Variants in THRAP3 observed in about 807,000 individuals in gnomAD.
THRAP3 encodes thyroid hormone receptor-associated protein 3.
A neutral mutation model predicts 101.0 loss-of-function variants in THRAP3; 16 were observed. The observed-to-expected ratio is 0.16, with a 90% CI of 0.11 to 0.24. The LOEUF is 0.24. Among genes scored for constraint, THRAP3 ranks in the 10% least tolerant of loss-of-function variants. THRAP3 has a pLI of 1.00. For missense variants in THRAP3, 989 were observed against 1,202.7 expected (o/e 0.82, Z 2.63); for synonymous variants, 407 against 422.6 (o/e 0.96, Z 0.45).
intron 2 of THRAP3, among the ~76,000 whole-genome samples, chr1:36,260,499 C>T (rs998060957): frequency 2.6e-5 from 4 of 152,044 alleles, no homozygotes; most frequent in African/African-American, 9.7e-5. Context: ...TTTTGGTAGG[C>T]TTACCTGACC....
At chr1:36,275,337 C>G (rs1202104576) in intron 2 of THRAP3, among the ~76,000 whole-genome samples, 1 of 141,666 alleles carries the variant, frequency 7.1e-6, no homozygotes, top group African/African-American at 2.6e-5. Context: ...CCTGTAATCC[C>G]AGCACTTTGG....
intron 1 of THRAP3, among the ~76,000 whole-genome samples, chr1:36,236,412 G>T (rs1645088996): frequency 6.6e-6 from 1 of 152,076 alleles, no homozygotes; most frequent in Admixed American, 6.6e-5. Flanking sequence ...CTAGTAGAGA[G>T]ACAGTGCTGG....
intron 2 of THRAP3, among the ~76,000 whole-genome samples, chr1:36,271,379 T>C (rs1460458654): frequency 6.6e-6 from 1 of 151,902 alleles, no homozygotes; most frequent in Admixed American, 6.6e-5. Context: ...GCCTCCCGGG[T>C]TCAAGCGATT....
intron 2 of THRAP3, among the ~76,000 whole-genome samples, chr1:36,272,340 C>A (rs1645602681): frequency 6.6e-6 from 1 of 152,150 alleles, no homozygotes; most frequent in South Asian, 2.1e-4. Context: ...ATTTACCTTA[C>A]TTAATAACTT....
chr1:36,260,520 C>T (rs1408651855), intron 2 of THRAP3, among the ~76,000 whole-genome samples: 1 of 152,106 alleles, frequency 6.6e-6, no homozygotes, highest in African/African-American at 2.4e-5. Flanking sequence ...ACCTCACATG[C>T]CAACATTAAT....
At chr1:36,226,256 T>TTTA (rs1022878411) in intron 1 of THRAP3, among the ~76,000 whole-genome samples, 1 of 151,908 alleles carries the variant, frequency 6.6e-6, no homozygotes, top group South Asian at 2.1e-4. Flanking sequence ...AGACATACGA[T>TTTA]TTATTATTAT....
At chr1:36,243,785 C>T (rs1177367336) in intron 1 of THRAP3, among the ~76,000 whole-genome samples, 26 of 96,928 alleles carry the variant, frequency 2.7e-4, no homozygotes, top group South Asian at 1.2e-3. Context: ...CGGGCAGAGG[C>T]GCCCCTCACC....
intron 1 of THRAP3, among the ~76,000 whole-genome samples, chr1:36,242,974 AATC>A (rs1469993992): frequency 1.3e-5 from 2 of 151,920 alleles, no homozygotes; most frequent in African/African-American, 4.8e-5. Flanking sequence ...TTGCACATGT[AATC>A]CCACCACTTT....
Position 36,232,233 on chromosome 1 carries a change from T to A in THRAP3, c.-135+7728T>A, listed in dbSNP as rs180964486. Among the ~76,000 whole-genome samples the A allele has an allele frequency of 1.8e-4, 27 of 152,188 alleles. No homozygotes were observed. The East Asian group carries it at 4.8e-3, about 27-fold the overall frequency. Reference sequence around the variant, plus strand: ...CTATCTCGAAAAGAAAAAAGTTAAATTTTTAAATATAAGAAATTCTTGTTT... The same window carrying A: ...CTATCTCGAAAAGAAAAAAGTTAAAATTTTAAATATAAGAAATTCTTGTTT... On this transcript the variant is annotated intron_variant, in intron 1 of 11. Transcript: ENST00000354618.
At chr1:36,283,230 G>T (rs923953201) in intron 3 of THRAP3, among the ~76,000 whole-genome samples, 3 of 152,090 alleles carry the variant, frequency 2.0e-5, no homozygotes, top group African/African-American at 7.2e-5. Flanking sequence ...TTTAAAAATC[G>T]CTATTGAAAA....
intron 1 of THRAP3, among the ~76,000 whole-genome samples, chr1:36,256,965 T>A (rs1645383898): frequency 6.6e-6 from 1 of 152,088 alleles, no homozygotes; most frequent in Middle Eastern, 3.2e-3. Context: ...CAGGCTAATT[T>A]TTTGTGTTTT....
rs369137110 is a variant in THRAP3, at chr1:36,243,997, C to T, written c.-134-15385C>T. Reference sequence around the variant, plus strand: ...CTGAACCCCCCACCTCCCTCCCGGACGGGGCGGCTGGCCGGGCGGGGGGCT... The same window carrying T: ...CTGAACCCCCCACCTCCCTCCCGGATGGGGCGGCTGGCCGGGCGGGGGGCT... On this transcript the variant is annotated intron_variant, in intron 1 of 11. Coordinates refer to ENST00000354618, the MANE Select transcript of THRAP3 (RefSeq NM_005119.4). 8.1e-3 allele frequency among the ~76,000 whole-genome samples: 1,127 copies of T among 139,240 alleles called. 18 individuals are homozygous for T. Among genetic ancestry groups the T allele is most frequent in the African/African-American group, 0.027 (986 of 36,454 alleles). 91.3% of individuals were successfully genotyped at this position (139,240 alleles called of 152,430 possible). A position where few individuals can be genotyped will look rare whatever the true frequency, so the allele number is the denominator to read the frequency against.
At chr1:36,217,024 G>A in the THRAP3 span, among the ~76,000 whole-genome samples, 1 of 152,152 alleles carries the variant, frequency 6.6e-6, no homozygotes, top group Non-Finnish European at 1.5e-5. Context: ...GACCACATCT[G>A]TTTTGTTTAC....
At chr1:36,285,869 T>C (rs1645789272) in intron 3 of THRAP3, among the ~76,000 whole-genome samples, 1 of 152,180 alleles carries the variant, frequency 6.6e-6, no homozygotes, top group Admixed American at 6.5e-5. Flanking sequence ...AAGAAGTTCA[T>C]CCCGCACAAG....
At chr1:36,259,774 A>AG (rs1645421260) in intron 2 of THRAP3, among the ~76,000 whole-genome samples, 1 of 151,426 alleles carries the variant, frequency 6.6e-6, no homozygotes, top group Admixed American at 6.6e-5. Context: ...AAAAAAAAAA[A>AG]AAAGAAAAGA....
At position 36,287,294 on chromosome 1, in the gene THRAP3, T is replaced by G. The variant is rs529988716; in HGVS notation, c.1040+24T>G. The G allele has an allele frequency of 6.9e-5, 107 of 1,560,926 alleles. 2 individuals are homozygous for G. In the East Asian group the frequency reaches 2.4e-3, roughly 35 times the overall value. ...AGGCAAGTATCTCATTTCCCCTGCC[T>G]GGTTGTGTTTTTATCTCACTAGCTG... On this transcript the variant is annotated intron_variant, in intron 4 of 11. Coordinates refer to ENST00000354618, the MANE Select transcript of THRAP3 (RefSeq NM_005119.4).
At chr1:36,243,726 C>T (rs879201792) in intron 1 of THRAP3, among the ~76,000 whole-genome samples, 10 of 152,250 alleles carry the variant, frequency 6.6e-5, no homozygotes, top group African/African-American at 1.2e-4. Flanking sequence ...ACCTCCCAGA[C>T]GGGGCGGTGG....
chr1:36,223,481 C>A (rs191954102), upstream of THRAP3, among the ~76,000 whole-genome samples: 7 of 152,310 alleles, frequency 4.6e-5, no homozygotes, highest in Admixed American at 4.6e-4. Context: ...TGCAAACTTA[C>A]TGTGGGAACA....
chr1:36,258,085 C>A (rs944015906), intron 1 of THRAP3, among the ~76,000 whole-genome samples: 4 of 152,092 alleles, frequency 2.6e-5, no homozygotes, highest in Non-Finnish European at 4.4e-5. Flanking sequence ...GTGATCCGCC[C>A]GCCTCGGCCT....
Sources: gnomAD v4.1 joint callset for allele counts (sites outside exome capture counted in the v4.1 genomes callset) on GRCh38, gnomAD v4.1.1 for gene constraint, MANE v1.5 for transcripts, NCBI Gene and HGNC (gene_info 2026-07-23, HGNC 2026-07-21) for gene names.